The following PIK3R6 variants were observed in gnomAD, a reference collection of about 807,000 sequenced individuals.
PIK3R6 encodes the protein phosphoinositide-3-kinase regulatory subunit 6, also known as phosphoinositide 3-kinase regulatory subunit 6.
Under a neutral mutation model 84.9 loss-of-function variants are expected in PIK3R6, and 91 were observed. The observed-to-expected ratio is 1.07, with a 90% CI of 0.90 to 1.28. PIK3R6 has a LOEUF of 1.28. Among genes scored for constraint, PIK3R6 ranks in the 50% most tolerant of loss-of-function variants. The pLI is 0.00. For synonymous variants in PIK3R6, 416 were observed against 411.4 expected, an observed-to-expected ratio of 1.01 and a Z score of -0.13; for missense variants, 996 against 985.1, an observed-to-expected ratio of 1.01 and a Z score of -0.15.
chr17:8,850,679 C>G (rs933854792), intron 1 of PIK3R6, among the ~76,000 whole-genome samples: 3 of 152,100 alleles, frequency 2.0e-5, no homozygotes, highest in African/African-American at 7.2e-5. Context: ...CCAAATAAAC[C>G]TAAGAGATTG....
At chr17:8,855,326 A>G (rs1163234061) in intron 1 of PIK3R6, among the ~76,000 whole-genome samples, 2 of 152,004 alleles carry the variant, frequency 1.3e-5, no homozygotes, top group Non-Finnish European at 2.9e-5. Context: ...GAAAAAAAAA[A>G]GAAAACTAGG....
chr17:8,841,798 G>A (rs74753789), intron 2 of PIK3R6, among the ~76,000 whole-genome samples: 421 of 152,202 alleles, frequency 2.8e-3, no homozygotes, highest in African/African-American at 9.4e-3. Context: ...TCCCACTACC[G>A]GGAGTTTAAT....
chr17:8,806,767 T>A (rs2087219770), intron 18 of PIK3R6, among the ~76,000 whole-genome samples: 1 of 152,036 alleles, frequency 6.6e-6, no homozygotes. Context: ...CCAGCTAAGG[T>A]CATATCTGAC....
chr17:8,816,208 GAAGA>G (rs2087534555), intron 18 of PIK3R6, among the ~76,000 whole-genome samples: 1 of 152,154 alleles, frequency 6.6e-6, no homozygotes, highest in Non-Finnish European at 1.5e-5. Context: ...TAGAATGAGT[GAAGA>G]AATAAAAGAA....
At position 8,811,752 on chromosome 17, in the gene PIK3R6, C is replaced by T. The variant is rs530340400; in HGVS notation, c.1995+7331G>A. On this transcript the variant is annotated intron_variant, in intron 18 of 19. Coordinates refer to ENST00000619866, the MANE Select transcript of PIK3R6 (RefSeq NM_001010855.4). ...TTAGCCTGGACTTTATTGTCCATAT[C>T]GCTATCAACATTTTGGGCAAAACCA... Among the ~76,000 whole-genome samples, 40 of 148,360 alleles carry T rather than the reference C, an allele frequency of 2.7e-4. 6 individuals are homozygous for T. Among genetic ancestry groups the T allele is most frequent in the African/African-American group, 9.8e-4 (39 of 39,812 alleles).
rs1476213303 is a variant in PIK3R6, at chr17:8,814,256, G to C, written c.1995+4827C>G. Among the ~76,000 whole-genome samples, 3 of 114,128 alleles carry C rather than the reference G, an allele frequency of 2.6e-5. No homozygotes were observed. In the East Asian group the frequency reaches 8.7e-4, roughly 33 times the overall value. 74.9% of individuals were successfully genotyped at this position (114,128 alleles called of 152,430 possible). On this transcript the variant is annotated intron_variant, in intron 18 of 19. Transcript: ENST00000619866. Reference sequence around the variant, plus strand: ...TTTTTTTGAGACAGAGTCTTACCCTGTTGCCCAGGCTGGTGTGCAATGGCG... The same window carrying C: ...TTTTTTTGAGACAGAGTCTTACCCTCTTGCCCAGGCTGGTGTGCAATGGCG...
chr17:8,832,539 C>T (rs1226584014), intron 9 of PIK3R6, among the ~76,000 whole-genome samples: 2 of 142,830 alleles, frequency 1.4e-5, no homozygotes, highest in African/African-American at 2.7e-5. Flanking sequence ...CCCACCACCA[C>T]GCCCAGCTGA....
At chr17:8,829,464 A>T (rs1477615687) in intron 10 of PIK3R6, among the ~76,000 whole-genome samples, 1 of 150,220 alleles carries the variant, frequency 6.7e-6, no homozygotes. Flanking sequence ...CCACACACAT[A>T]CACTGACACA....
At chr17:8,832,017 C>T (rs2088258791) in intron 9 of PIK3R6, among the ~76,000 whole-genome samples, 1 of 152,078 alleles carries the variant, frequency 6.6e-6, no homozygotes, top group Admixed American at 6.6e-5. Flanking sequence ...TCTATGATAC[C>T]AGATATAAAC....
In PIK3R6 at chr17:8,839,550, G is replaced by C; in HGVS notation, c.97+64C>G. 1 of 1,355,310 alleles carries C rather than the reference G, an allele frequency of 7.4e-7. No individual in the cohort carries two copies. The allele number at this position is 1,355,310 out of a possible 1,614,324, so 84.0% of individuals were successfully genotyped here. On this transcript the variant is annotated intron_variant, in intron 3 of 19. Coordinates refer to ENST00000619866, the MANE Select transcript of PIK3R6 (RefSeq NM_001010855.4). This position sits in a 1 kb window ranked among gnomAD's most constrained non-coding sequence, Gnocchi z 4.2. The stretch of plus-strand genomic sequence containing the variant: ...CCGGGGCTCTTTCCTGTATGCGCGT[G>C]TATTGTTGGCTGGGGTTGGGTGGAG...
intron 5 of PIK3R6, among the ~76,000 whole-genome samples, chr17:8,837,566 C>T (rs1388865888): frequency 6.6e-6 from 1 of 152,196 alleles, no homozygotes; most frequent in African/African-American, 2.4e-5. Flanking sequence ...TTGCACTGCA[C>T]ACAGGAGCAA....
chr17:8,829,213 A>G (rs930090491), intron 10 of PIK3R6, among the ~76,000 whole-genome samples: 1 of 125,672 alleles, frequency 8.0e-6, no homozygotes, highest in Admixed American at 7.9e-5. Flanking sequence ...GCACACACAC[A>G]GACACACACA....
intron 18 of PIK3R6, among the ~76,000 whole-genome samples, chr17:8,815,177 A>G (rs2087491323): frequency 6.6e-6 from 1 of 152,228 alleles, no homozygotes; most frequent in Non-Finnish European, 1.5e-5. Context: ...CATACTTTAT[A>G]TATTCTATAG....
rs2087261751 is a variant in PIK3R6 at position 8,808,350 on chromosome 17, G to C, written c.1996-4197C>G. Among the ~76,000 whole-genome samples the C allele has an allele frequency of 2.0e-5, 3 of 151,994 alleles. No individual in the cohort carries two copies. The South Asian group carries it at 6.2e-4, about 32-fold the overall frequency. ...TATGTGGAACCTGCACATACAAAAG[G>C]CCAACAGTAAGAGACTTTAGCATCC... On this transcript the variant is annotated intron_variant, in intron 18 of 19. Transcript: ENST00000619866.
At chr17:8,856,279 A>C (rs2089138184) in intron 1 of PIK3R6, among the ~76,000 whole-genome samples, 1 of 152,214 alleles carries the variant, frequency 6.6e-6, no homozygotes, top group Admixed American at 6.5e-5. Context: ...CCCAGTGATA[A>C]CATCTTGCAA....
At chr17:8,821,669 G>A (rs1422194908) in intron 17 of PIK3R6, among the ~76,000 whole-genome samples, 177 bp downstream of exon 17, 1 of 152,144 alleles carries the variant, frequency 6.6e-6, no homozygotes, top group African/African-American at 2.4e-5. Context: ...CCAGTGGCCA[G>A]TGCTAGAGTC....
chr17:8,819,937 ATTTTTATATATATATATATT>A (rs1433289568), intron 17 of PIK3R6, among the ~76,000 whole-genome samples: 60 of 86,226 alleles, frequency 7.0e-4, no homozygotes, highest in African/African-American at 2.7e-3. Context: ...ATATATATAT[ATTTTTATATATATATATATT>A]TTTTTTTTGA....
intron 1 of PIK3R6, among the ~76,000 whole-genome samples, chr17:8,854,858 C>T (rs888566241): frequency 6.6e-6 from 1 of 152,082 alleles, no homozygotes; most frequent in Non-Finnish European, 1.5e-5. Context: ...TAGACTTCAT[C>T]AAAATTTAAA....
In PIK3R6 at chr17:8,836,792, T is replaced by C; in HGVS notation, c.390A>G (p.Pro130=). The change falls in exon 6 of 20, where the codon CCA becomes CCG. Residue 130 remains proline (P), a splice_region_variant and synonymous_variant. Coordinates refer to ENST00000619866, the MANE Select transcript of PIK3R6 (RefSeq NM_001010855.4). ...AIRLKTEMAV[P]GTLYQRMVIA... is the part of the protein sequence containing the mutation. Reference sequence around the variant, plus strand: ...ACAAAGATGCCCAGTGACTCTTACCTGGGACAGCCATCTCCGTTTTCAGCC... The same window carrying C: ...ACAAAGATGCCCAGTGACTCTTACCCGGGACAGCCATCTCCGTTTTCAGCC... 6.2e-7 allele frequency: 1 copy of C among 1,610,240 alleles called. No individual in the cohort carries two copies. Among genetic ancestry groups the C allele is most frequent in the South Asian group, 1.1e-5 (1 of 90,156 alleles).
Sources: gnomAD v4.1 joint callset for allele counts (sites outside exome capture counted in the v4.1 genomes callset) on GRCh38, gnomAD v4.1.1 for gene constraint, Gnocchi (gnomAD v3.1) non-coding constraint, MANE v1.5 for transcripts, NCBI Gene and HGNC (gene_info 2026-07-23, HGNC 2026-07-21) for gene names.